Variants in FRMD6 observed in about 807,000 individuals in gnomAD.
FRMD6 encodes FERM domain-containing protein 6.
Under a neutral mutation model 73.2 loss-of-function variants are expected in FRMD6, and 37 were observed. That is an observed-to-expected ratio of 0.51 (90% confidence interval 0.39 to 0.66). The LOEUF is 0.66. FRMD6 is among the 30% of genes least tolerant of loss of function. The probability of loss-of-function intolerance (pLI) is 0.00; values close to 1 mark genes in which losing one functional copy is unlikely to be tolerated. For synonymous variants in FRMD6, 273 were observed against 282.2 expected (o/e 0.97, Z 0.33); for missense variants, 714 against 780.5 (o/e 0.91, Z 1.02).
In FRMD6 at chr14:51,725,766, T is replaced by G. The variant is rs201727119; in HGVS notation, c.1493-13T>G. 3.8e-6 allele frequency: 6 copies of G among 1,576,742 alleles called. No homozygotes were observed. Among genetic ancestry groups the G allele is most frequent in the Admixed American group, 1.7e-5 (1 of 59,954 alleles). On this transcript the variant is annotated splice_polypyrimidine_tract_variant and intron_variant, in intron 12 of 13. Coordinates refer to ENST00000344768, the MANE Select transcript of FRMD6 (RefSeq NM_001267046.2). ...GAAGTATTTATTGTTTTTATCTCTG[T>G]GTTTTATTTCAGGGTTGATTGTGAA...
chr14:51,700,948 C>A, intron 3 of FRMD6, 108 bp from the exon 4 acceptor site: 1 of 507,710 alleles, frequency 2.0e-6, no homozygotes, highest in Non-Finnish European at 3.5e-6. Flanking sequence ...TGCATTCAGA[C>A]TACATTCACA....
At chr14:51,634,084 T>C (rs1348631543) in intron 2 of FRMD6, among the ~76,000 whole-genome samples, 1 of 152,238 alleles carries the variant, frequency 6.6e-6, no homozygotes, top group Non-Finnish European at 1.5e-5. Context: ...TCCACAAATA[T>C]GGATTTGTGA....
rs1898156511 is a variant in FRMD6 at position 51,729,596 on chromosome 14, A to T, written c.*1567A>T. On this transcript the variant is annotated 3_prime_UTR_variant, in exon 14 of 14. Transcript: ENST00000344768. ...TTTCTATCTGCCCAGTTTTATTAAA[A>T]AAACTATATATTATTTTCTAAAGAA... is the stretch of plus-strand genomic sequence containing the variant. The T allele has an allele frequency of 6.6e-6, 1 of 152,652 alleles. No homozygotes were observed. Among genetic ancestry groups the T allele is most frequent in the African/African-American group, 2.4e-5 (1 of 41,462 alleles). 9.5% of individuals were successfully genotyped at this position (152,652 alleles called of 1,614,324 possible).
chr14:51,454,165 C>T, the FRMD6 span, among the ~76,000 whole-genome samples: 1 of 152,188 alleles, frequency 6.6e-6, no homozygotes, highest in Non-Finnish European at 1.5e-5. Context: ...CATGGCATTT[C>T]ATTAGCTCTG....
At chr14:51,508,501 C>A (rs1884109039) in intron 1 of FRMD6, among the ~76,000 whole-genome samples, 1 of 152,152 alleles carries the variant, frequency 6.6e-6, no homozygotes, top group Non-Finnish European at 1.5e-5. Context: ...TGTCCTGGAG[C>A]CTTGAGGAGA....
At chr14:51,638,933 T>A (rs1481816310) in intron 2 of FRMD6, among the ~76,000 whole-genome samples, 1 of 152,172 alleles carries the variant, frequency 6.6e-6, no homozygotes, top group African/African-American at 2.4e-5. Flanking sequence ...TATACATATC[T>A]AAGTTTGAAT....
At chr14:51,540,577 AT>A (rs1039639113) in intron 1 of FRMD6, among the ~76,000 whole-genome samples, 24 of 152,284 alleles carry the variant, frequency 1.6e-4, no homozygotes, top group African/African-American at 5.1e-4. Context: ...AAGATGATTC[AT>A]GGCAAACTTG....
intron 2 of FRMD6, among the ~76,000 whole-genome samples, chr14:51,572,058 T>G (rs1280132541): frequency 1.3e-5 from 2 of 152,248 alleles, no homozygotes; most frequent in Non-Finnish European, 2.9e-5. Context: ...TCTGCTCTTC[T>G]AGTTCCTTGG....
intron 2 of FRMD6, among the ~76,000 whole-genome samples, chr14:51,695,044 G>A (rs2140401596): frequency 6.6e-6 from 1 of 151,842 alleles, no homozygotes; most frequent in Non-Finnish European, 1.5e-5. Flanking sequence ...CTGCATGGAG[G>A]AAATATATAA....
the FRMD6 span, among the ~76,000 whole-genome samples, chr14:51,423,077 C>T: frequency 2.6e-5 from 4 of 152,226 alleles, no homozygotes; most frequent in South Asian, 4.1e-4. Flanking sequence ...CTTCTGCCAG[C>T]CTGCTTTGGA....
rs199692376 is a variant in FRMD6 at position 51,611,923 on chromosome 14, G to GA, written c.-147+41522dup. 3.2e-3 allele frequency among the ~76,000 whole-genome samples: 470 copies of GA among 146,682 alleles called. 4 individuals are homozygous for GA. The highest frequency in any genetic ancestry group is 9.1e-3 in the African/African-American group (364 of 39,996). ...GAATGCTTATGTCATGATGTAAAAT[G>GA]AAAAAAAAACAGTGGCAGAAAAATT... On this transcript the variant is annotated intron_variant, in intron 2 of 14. Coordinates refer to the FRMD6 transcript ENST00000356218.
rs566843274 is a variant in FRMD6, at chr14:51,710,322, C to T, written c.715-1209C>T. On this transcript the variant is annotated intron_variant, in intron 7 of 13. Coordinates refer to ENST00000344768, the MANE Select transcript of FRMD6 (RefSeq NM_001267046.2). ...GCTTCATTTAGGAGCTGCTCATAAA[C>T]GGGAAATAAGGTAGACAAAGGACAA... Among the ~76,000 whole-genome samples, 5 of 152,126 alleles carry T rather than the reference C, an allele frequency of 3.3e-5. No homozygotes were observed. The South Asian group carries it at 8.3e-4, about 25-fold the overall frequency.
chr14:51,649,199 T>C (rs577573384), upstream of FRMD6, among the ~76,000 whole-genome samples: 33 of 152,356 alleles, frequency 2.2e-4, 1 homozygote, highest in South Asian at 6.8e-3. Context: ...CAGGAGTTTA[T>C]ATAACTGATT....
At chr14:51,507,053 A>G (rs1884004960) in intron 1 of FRMD6, among the ~76,000 whole-genome samples, 1 of 147,874 alleles carries the variant, frequency 6.8e-6, no homozygotes, top group South Asian at 2.2e-4. Flanking sequence ...TATTTTCTGA[A>G]TTTTTGAAAT....
the FRMD6 span, among the ~76,000 whole-genome samples, chr14:51,414,571 T>G: frequency 6.6e-6 from 1 of 152,260 alleles, no homozygotes; most frequent in Non-Finnish European, 1.5e-5. Context: ...GTAGTATAGT[T>G]TGAAGTCAGG....
Position 51,715,080 on chromosome 14 carries a change from G to C in FRMD6, c.850-245G>C, listed in dbSNP as rs144951533. ...CCAGAGAAACCAAAGATATTCCTCA[G>C]CTGTTTTGGATAGTCAGTGTTTACT... is the stretch of plus-strand genomic sequence containing the variant. On this transcript the variant is annotated intron_variant, in intron 9 of 13. Transcript: ENST00000344768. The C allele has an allele frequency of 8.5e-3, 2,576 of 302,202 alleles. 18 individuals are homozygous for C. Among genetic ancestry groups the C allele is most frequent in the Middle Eastern group, 0.015 (16 of 1,082 alleles). 18.7% of individuals were successfully genotyped at this position (302,202 alleles called of 1,614,324 possible). A position where few individuals can be genotyped will look rare whatever the true frequency, so the allele number is the denominator to read the frequency against.
the FRMD6 span, among the ~76,000 whole-genome samples, chr14:51,463,852 C>G: frequency 6.6e-6 from 1 of 152,162 alleles, no homozygotes; most frequent in Non-Finnish European, 1.5e-5. Flanking sequence ...GGGTCTTACT[C>G]CATTGCTCAG....
At chr14:51,602,070 T>G (rs1209434022) in intron 2 of FRMD6, among the ~76,000 whole-genome samples, 1 of 148,390 alleles carries the variant, frequency 6.7e-6, no homozygotes, top group Non-Finnish European at 1.5e-5. Flanking sequence ...CACTGGTACA[T>G]GTTCTTTTAA....
At chr14:51,488,192 G>GC (rs1290365378), upstream of FRMD6, among the ~76,000 whole-genome samples, 1 of 152,188 alleles carries the variant, frequency 6.6e-6, no homozygotes, top group African/African-American at 2.4e-5. Context: ...ATTGGCAGGA[G>GC]CCCGTCTCTG....
Sources: allele counts gnomAD v4.1 joint callset (sites outside exome capture counted in the v4.1 genomes callset), GRCh38; gene constraint gnomAD v4.1.1; transcripts MANE v1.5; gene names NCBI Gene and HGNC (gene_info 2026-07-23, HGNC 2026-07-21).